Variants in PTPRD observed in about 807,000 individuals in gnomAD.
The protein encoded by PTPRD is protein tyrosine phosphatase receptor type D, also known as receptor-type tyrosine-protein phosphatase delta.
Under a neutral mutation model 214.5 loss-of-function variants are expected in PTPRD, and 34 were observed. That is an observed-to-expected ratio of 0.16 (90% CI 0.12 to 0.21). The LOEUF (loss-of-function observed/expected upper bound fraction) is 0.21. Among genes scored for constraint, PTPRD ranks in the 10% least tolerant of loss-of-function variants. PTPRD has a pLI of 1.00. For missense variants in PTPRD, 2,545 were observed against 2,398.7 expected, an observed-to-expected ratio of 1.06 and a Z score of -1.27; for synonymous variants, 1,128 against 845.7, an observed-to-expected ratio of 1.33 and a Z score of -5.79.
intron 3 of PTPRD, among the ~76,000 whole-genome samples, chr9:10,181,244 A>G (rs2099281584): frequency 6.6e-6 from 1 of 152,142 alleles, no homozygotes; most frequent in South Asian, 2.1e-4. Context: ...TTTCAACCAG[A>G]AAATGTAAGA....
chr9:8,974,124 G>T (rs1436281888), intron 11 of PTPRD, among the ~76,000 whole-genome samples: 1 of 151,962 alleles, frequency 6.6e-6, no homozygotes, highest in Non-Finnish European at 1.5e-5. Context: ...TCTTTGCCAA[G>T]GTCGATGTTG....
intron 9 of PTPRD, among the ~76,000 whole-genome samples, chr9:9,200,873 CA>C (rs1308495634): frequency 2.0e-5 from 3 of 152,156 alleles, no homozygotes; most frequent in African/African-American, 7.2e-5. Context: ...TACATTTCCC[CA>C]TGTGGTTTTC....
At chr9:10,327,382 G>C (rs576290818) in intron 3 of PTPRD, among the ~76,000 whole-genome samples, 4 of 151,402 alleles carry the variant, frequency 2.6e-5, no homozygotes, top group African/African-American at 9.7e-5. Flanking sequence ...GAGATAAATT[G>C]ATCATAAAAT....
intron 11 of PTPRD, among the ~76,000 whole-genome samples, chr9:8,897,831 C>T (rs1433228981): frequency 1.3e-5 from 2 of 152,146 alleles, no homozygotes; most frequent in Admixed American, 1.3e-4. Context: ...GGATTGGCAC[C>T]AAACTTCTCT....
chr9:9,524,689 T>A (rs899198501), intron 8 of PTPRD, among the ~76,000 whole-genome samples: 42 of 152,342 alleles, frequency 2.8e-4, no homozygotes, highest in Middle Eastern at 3.4e-3. Context: ...ATTTTGTCTT[T>A]ATTGATCCTG....
chr9:8,345,166 G>A (rs560385449), intron 39 of PTPRD, among the ~76,000 whole-genome samples: 2 of 151,736 alleles, frequency 1.3e-5, no homozygotes, highest in East Asian at 1.9e-4. Context: ...ATTTATCATC[G>A]TGGCAAATGA....
At chr9:8,392,543 T>C (rs1366283346) in intron 36 of PTPRD, among the ~76,000 whole-genome samples, 1 of 152,028 alleles carries the variant, frequency 6.6e-6, no homozygotes, top group African/African-American at 2.4e-5. Context: ...AGATAAATAA[T>C]TAATATTCTG....
At position 8,486,305 on chromosome 9, in the gene PTPRD, T is replaced by C. The variant is rs902406382; in HGVS notation, c.2512A>G (p.Thr838Ala). Residue 838 changes from threonine to alanine, a missense_variant, in exon 28 of 46, where the codon ACT (threonine) becomes GCT (alanine). By Grantham distance (58) the Thr-to-Ala change is moderately conservative. Coordinates refer to ENST00000381196, the MANE Select transcript of PTPRD (RefSeq NM_002839.4). The stretch of plus-strand genomic sequence containing the variant: ...GGAGGGTGCCACTGAATAAGAGCAG[T>C]ATTCATCTGAGTGTGGTTAATCACA... The part of the protein sequence containing the change: ...RLVINHTQMN[T>A]ALIQWHPPVD... The C allele has an allele frequency of 6.2e-7, 1 of 1,614,004 alleles. No individual in the cohort carries two copies. Among genetic ancestry groups the C allele is most frequent in the African/African-American group, 1.3e-5 (1 of 74,892 alleles).
intron 3 of PTPRD, among the ~76,000 whole-genome samples, chr9:10,126,312 A>G (rs1397692743): frequency 6.6e-6 from 1 of 152,026 alleles, no homozygotes; most frequent in Non-Finnish European, 1.5e-5. Context: ...TTAATATTTA[A>G]TATTCCATAA....
chr9:8,910,905 C>G (rs1044652109), intron 11 of PTPRD, among the ~76,000 whole-genome samples: 9 of 152,076 alleles, frequency 5.9e-5, no homozygotes, highest in Admixed American at 4.6e-4. Flanking sequence ...AAGCGCAAGC[C>G]TTGTACACAG....
chr9:10,510,256 G>A (rs566275058), intron 2 of PTPRD, among the ~76,000 whole-genome samples: 4 of 152,054 alleles, frequency 2.6e-5, no homozygotes, highest in South Asian at 2.1e-4. Context: ...AGTTAGAATC[G>A]TTTTGTCACA....
At chr9:10,246,531 C>T (rs1457929598) in intron 3 of PTPRD, among the ~76,000 whole-genome samples, 1 of 152,162 alleles carries the variant, frequency 6.6e-6, no homozygotes, top group Non-Finnish European at 1.5e-5. Context: ...GTGTGAGCCA[C>T]CGCACCTGGC....
At chr9:9,324,665 T>G (rs1301899640) in intron 9 of PTPRD, among the ~76,000 whole-genome samples, 1 of 152,176 alleles carries the variant, frequency 6.6e-6, no homozygotes, top group African/African-American at 2.4e-5. Context: ...GATGGTAGTT[T>G]CTTTTGCTGT....
chr9:8,489,026 A>T (rs925825237), intron 27 of PTPRD, among the ~76,000 whole-genome samples: 1 of 152,182 alleles, frequency 6.6e-6, no homozygotes, highest in African/African-American at 2.4e-5. Flanking sequence ...TAAAGCTAGG[A>T]TAAATAAAAA....
intron 2 of PTPRD, among the ~76,000 whole-genome samples, chr9:10,484,993 G>A (rs1467748892): frequency 1.3e-5 from 2 of 151,620 alleles, no homozygotes; most frequent in African/African-American, 4.9e-5. Context: ...ATAGTTTACG[G>A]TCTTAGATTT....
intron 10 of PTPRD, among the ~76,000 whole-genome samples, chr9:9,079,312 CT>C (rs2099755710): frequency 1.3e-5 from 2 of 151,996 alleles, no homozygotes; most frequent in African/African-American, 4.8e-5. Context: ...CAGCATTTAA[CT>C]TTTTGTTTCT....
intron 9 of PTPRD, among the ~76,000 whole-genome samples, chr9:9,313,771 A>G (rs1002145702): frequency 1.3e-5 from 2 of 152,298 alleles, no homozygotes; most frequent in East Asian, 1.9e-4. Context: ...AAGAATAACA[A>G]TGGTTCTTCA....
intron 4 of PTPRD, among the ~76,000 whole-genome samples, chr9:9,940,643 A>C (rs571611424): frequency 1.3e-5 from 2 of 152,314 alleles, no homozygotes; most frequent in South Asian, 4.1e-4. Context: ...TAATATTAAC[A>C]AAAGTGTCAA....
intron 11 of PTPRD, among the ~76,000 whole-genome samples, chr9:8,738,794 G>A (rs1185231650): frequency 3.2e-5 from 4 of 126,062 alleles, no homozygotes; most frequent in Non-Finnish European, 7.2e-5. Context: ...AAAAACTACT[G>A]CTGTCACTTA....
Sources: gnomAD v4.1 joint callset for allele counts (sites outside exome capture counted in the v4.1 genomes callset) on GRCh38, gnomAD v4.1.1 for gene constraint, MANE v1.5 for transcripts, NCBI Gene and HGNC (gene_info 2026-07-23, HGNC 2026-07-21) for gene names.